Variants in PTPRD observed in about 807,000 individuals in gnomAD.
PTPRD encodes protein tyrosine phosphatase receptor type D, also known as receptor-type tyrosine-protein phosphatase delta.
A neutral mutation model predicts 214.5 loss-of-function variants in PTPRD; 34 were observed. That is an observed-to-expected ratio of 0.16 (90% confidence interval 0.12 to 0.21). The LOEUF (loss-of-function observed/expected upper bound fraction) is 0.21. Among genes scored for constraint, PTPRD ranks in the 10% least tolerant of loss-of-function variants. The probability of loss-of-function intolerance (pLI) is 1.00; values close to 1 mark genes in which losing one functional copy is unlikely to be tolerated. For synonymous variants in PTPRD, 1,128 were observed against 845.7 expected (o/e 1.33, Z -5.79); for missense variants, 2,545 against 2,398.7 (o/e 1.06, Z -1.27).
chr9:8,675,110 T>A (rs1258485595), intron 12 of PTPRD, among the ~76,000 whole-genome samples: 1 of 152,148 alleles, frequency 6.6e-6, no homozygotes. Flanking sequence ...GGATGTCGCA[T>A]ACACTTGGGA....
chr9:9,305,745 G>T (rs549817534), intron 9 of PTPRD, among the ~76,000 whole-genome samples: 29 of 152,240 alleles, frequency 1.9e-4, no homozygotes, highest in African/African-American at 6.5e-4. Flanking sequence ...AAAGATAGAT[G>T]TAGAGACACA....
At chr9:8,832,589 G>C (rs1217191407) in intron 11 of PTPRD, among the ~76,000 whole-genome samples, 1 of 151,982 alleles carries the variant, frequency 6.6e-6, no homozygotes, top group East Asian at 1.9e-4. Flanking sequence ...ATGAGAAAGA[G>C]AAAATTAACC....
At chr9:8,819,112 C>T (rs932298920) in intron 11 of PTPRD, among the ~76,000 whole-genome samples, 1 of 152,108 alleles carries the variant, frequency 6.6e-6, no homozygotes, top group Non-Finnish European at 1.5e-5. Flanking sequence ...GTATCCTTAA[C>T]GTTGTTAGGA....
intron 2 of PTPRD, among the ~76,000 whole-genome samples, chr9:10,408,991 A>G (rs2098406035): frequency 6.6e-6 from 1 of 151,768 alleles, no homozygotes; most frequent in Admixed American, 6.6e-5. Flanking sequence ...ATTAAATGTA[A>G]GACTATAGAT....
At chr9:8,563,885 G>A (rs998572298) in intron 14 of PTPRD, among the ~76,000 whole-genome samples, 2 of 152,202 alleles carry the variant, frequency 1.3e-5, no homozygotes, top group African/African-American at 4.8e-5. Context: ...GGCCAGTCTT[G>A]AACTCCTGAC....
intron 9 of PTPRD, among the ~76,000 whole-genome samples, chr9:9,271,398 C>G (rs1331327428): frequency 1.3e-5 from 2 of 151,206 alleles, no homozygotes; most frequent in African/African-American, 4.8e-5. Flanking sequence ...TCAGATCAGA[C>G]CAGTTATAAC....
At chr9:9,507,916 G>A (rs1244216999) in intron 8 of PTPRD, among the ~76,000 whole-genome samples, 1 of 151,346 alleles carries the variant, frequency 6.6e-6, no homozygotes, top group Non-Finnish European at 1.5e-5. Context: ...TGTATTCAGA[G>A]AAAACTTAAA....
At chr9:8,874,947 C>T (rs1333276550) in intron 11 of PTPRD, among the ~76,000 whole-genome samples, 1 of 152,050 alleles carries the variant, frequency 6.6e-6, no homozygotes, top group Admixed American at 6.5e-5. Flanking sequence ...CTGGTGGATG[C>T]AGAGGAGATT....
chr9:9,248,470 T>C (rs2099974020), intron 9 of PTPRD, among the ~76,000 whole-genome samples: 1 of 152,076 alleles, frequency 6.6e-6, no homozygotes, highest in African/African-American at 2.4e-5. Context: ...TTTTTGTAAC[T>C]TCTTAGAATT....
chr9:9,804,315 C>T (rs1598321463), intron 5 of PTPRD, among the ~76,000 whole-genome samples: 1 of 151,922 alleles, frequency 6.6e-6, no homozygotes, highest in East Asian at 1.9e-4. Flanking sequence ...TCCCTAAAGC[C>T]CGCTTGGAAA....
At chr9:8,458,649 T>C (rs928677877) in intron 33 of PTPRD, among the ~76,000 whole-genome samples, 2 of 152,114 alleles carry the variant, frequency 1.3e-5, no homozygotes, top group Non-Finnish European at 2.9e-5. Context: ...CAGCTCCTGC[T>C]TGGACTCAAA....
chr9:9,039,729 T>C (rs897324945), intron 10 of PTPRD, among the ~76,000 whole-genome samples: 8 of 152,220 alleles, frequency 5.3e-5, no homozygotes, highest in Non-Finnish European at 1.5e-5. Flanking sequence ...TGACTCAATG[T>C]TGTTTGTTTA....
At position 8,758,424 on chromosome 9, in the gene PTPRD, T is replaced by C. The variant is rs188549299; in HGVS notation, c.-103-24478A>G. On this transcript the variant is annotated intron_variant, in intron 11 of 45. Transcript: ENST00000381196. Reference sequence around the variant, plus strand: ...CTTATGTTATATACAAATTAGGGTATGATATTTGATATCATTTTGTTTTAA... The same window carrying C: ...CTTATGTTATATACAAATTAGGGTACGATATTTGATATCATTTTGTTTTAA... Among the ~76,000 whole-genome samples the C allele has an allele frequency of 2.5e-3, 386 of 152,270 alleles. 2 individuals are homozygous for C. Among genetic ancestry groups the C allele is most frequent in the African/African-American group, 8.3e-3 (345 of 41,566 alleles).
intron 2 of PTPRD, among the ~76,000 whole-genome samples, chr9:10,585,301 A>C (rs537523673): frequency 2.8e-4 from 42 of 152,136 alleles, no homozygotes; most frequent in Non-Finnish European, 4.1e-4. Context: ...CTATTTGTGT[A>C]ATTCTCCCAT....
At chr9:9,370,595 C>T (rs954577694) in intron 9 of PTPRD, among the ~76,000 whole-genome samples, 1 of 151,386 alleles carries the variant, frequency 6.6e-6, no homozygotes, top group South Asian at 2.1e-4. Context: ...TAATTGAATA[C>T]CCTTTATTTC....
intron 7 of PTPRD, among the ~76,000 whole-genome samples, chr9:9,622,713 A>G (rs1321278881): frequency 1.3e-5 from 2 of 152,196 alleles, no homozygotes; most frequent in Non-Finnish European, 2.9e-5. Flanking sequence ...AATAACATAG[A>G]TATATTAAGG....
intron 27 of PTPRD, among the ~76,000 whole-genome samples, chr9:8,487,470 C>T (rs1252362237): frequency 6.6e-6 from 1 of 152,086 alleles, no homozygotes; most frequent in Admixed American, 6.5e-5. Context: ...TGGCTCATGT[C>T]TATAATCCCA....
chr9:8,521,640 C>A lies in PTPRD; in HGVS notation c.692-94G>T. On this transcript the variant is annotated intron_variant, in intron 19 of 45. Coordinates refer to ENST00000381196, the MANE Select transcript of PTPRD (RefSeq NM_002839.4). ...CATGCACCGTACAGACACGATTCAA[C>A]AATTGAAACATTGTGGATTGTCCAA... 4.3e-6 allele frequency: 6 copies of A among 1,382,814 alleles called. No individual in the cohort carries two copies. In the South Asian group the frequency reaches 6.9e-5, roughly 16 times the overall value. The allele number at this position is 1,382,814 out of a possible 1,614,324, so 85.7% of individuals were successfully genotyped here.
chr9:10,058,415 A>T (rs1034106955), intron 3 of PTPRD, among the ~76,000 whole-genome samples: 2 of 152,104 alleles, frequency 1.3e-5, no homozygotes, highest in African/African-American at 4.8e-5. Context: ...TAAAAAAACC[A>T]CTTGCAATTG....
Sources: allele counts gnomAD v4.1 joint callset (sites outside exome capture counted in the v4.1 genomes callset), GRCh38; gene constraint gnomAD v4.1.1; transcripts MANE v1.5; gene names NCBI Gene and HGNC (gene_info 2026-07-23, HGNC 2026-07-21).